C1orf87: variants seen among roughly 807,000 people sequenced by gnomAD.
The protein encoded by C1orf87 is uncharacterized protein C1orf87.
In C1orf87, 58 loss-of-function variants were observed where a neutral mutation model predicts 60.5. That is an observed-to-expected ratio of 0.96 (90% CI 0.78 to 1.19). The LOEUF is 1.19. Ranked by LOEUF, C1orf87 falls within the 50% of genes most tolerant of loss-of-function variation. The pLI, the probability that C1orf87 is intolerant of heterozygous loss-of-function variation, is 0.00. For missense variants in C1orf87, 673 were observed against 638.6 expected (o/e 1.05, Z -0.58); for synonymous variants, 236 against 227.4 (o/e 1.04, Z -0.34).
At chr1:60,037,715 T>C (rs150299454) in intron 6 of C1orf87, among the ~76,000 whole-genome samples, 370 of 152,298 alleles carry the variant, frequency 2.4e-3, no homozygotes, top group African/African-American at 8.2e-3. Flanking sequence ...ATTCAAACCA[T>C]ACCAATACCT....
chr1:59,991,301 C>T (rs1406408982), intron 11 of C1orf87, among the ~76,000 whole-genome samples: 3 of 152,162 alleles, frequency 2.0e-5, no homozygotes, highest in Non-Finnish European at 4.4e-5. Flanking sequence ...TCTTTGGTAT[C>T]TGCAGGGATT....
intron 7 of C1orf87, among the ~76,000 whole-genome samples, chr1:60,026,513 A>G (rs1238897967): frequency 6.6e-6 from 1 of 151,820 alleles, no homozygotes; most frequent in Non-Finnish European, 1.5e-5. Context: ...AGTACAGAAG[A>G]AGGAAAATAG....
At chr1:60,069,837 A>G (rs1288957243) in intron 2 of C1orf87, among the ~76,000 whole-genome samples, 1 of 152,168 alleles carries the variant, frequency 6.6e-6, no homozygotes, top group Admixed American at 6.5e-5. Flanking sequence ...ATTTGGAAAT[A>G]GGGTTATTAC....
At chr1:59,992,058 A>C (rs1644927413) in intron 11 of C1orf87, among the ~76,000 whole-genome samples, 1 of 152,062 alleles carries the variant, frequency 6.6e-6, no homozygotes, top group Non-Finnish European at 1.5e-5. Context: ...ATGTTCCAGG[A>C]ACTGCTCCAA....
chr1:59,995,308 G>C (rs1644955907), intron 11 of C1orf87, among the ~76,000 whole-genome samples: 1 of 152,128 alleles, frequency 6.6e-6, no homozygotes, highest in Non-Finnish European at 1.5e-5. Context: ...TGAATACCCA[G>C]ACTCAGGGTT....
At chr1:60,065,004 AAATATATATTAAATATATATATTT>A (rs1244181104) in intron 2 of C1orf87, among the ~76,000 whole-genome samples, 2 of 59,296 alleles carry the variant, frequency 3.4e-5, no homozygotes, top group Admixed American at 1.9e-4. Flanking sequence ...TATAAATATT[AAATATATATTAAATATATATATTT>A]AATATATATA....
At position 60,033,509 on chromosome 1, in the gene C1orf87, ATCT is replaced by A. The variant is rs1170682564; in HGVS notation, c.993_995del (p.Glu331del). Reference sequence around the variant, plus strand: ...GAGGGAGGCAGCCAGAGAACGAGCGATCTTCTTTTCGAAAACTCAGATTGAGAT... The same window carrying A: ...GAGGGAGGCAGCCAGAGAACGAGCGATCTTTTCGAAAACTCAGATTGAGAT... On this transcript the variant is annotated inframe_deletion, in exon 7 of 12. Transcript: ENST00000371201. 1 of 1,613,902 alleles carries A rather than the reference ATCT, an allele frequency of 6.2e-7. No individual in the cohort carries two copies. Among genetic ancestry groups the A allele is most frequent in the South Asian group, 1.1e-5 (1 of 90,980 alleles).
At chr1:60,000,614 T>G (rs2100241000) in intron 10 of C1orf87, among the ~76,000 whole-genome samples, 1 of 152,202 alleles carries the variant, frequency 6.6e-6, no homozygotes. Context: ...GCTTGCCAGA[T>G]TTTTTTCTTT....
chr1:60,029,622 C>T (rs640630), intron 7 of C1orf87, among the ~76,000 whole-genome samples: 2,179 of 146,964 alleles, frequency 0.015, 57 homozygotes, highest in African/African-American at 0.052. Context: ...CCCATCTCTT[C>T]CCCTGTCCCC....
intron 3 of C1orf87, among the ~76,000 whole-genome samples, chr1:60,045,610 T>G (rs900372105): frequency 6.6e-6 from 1 of 152,198 alleles, no homozygotes; most frequent in Non-Finnish European, 1.5e-5. Context: ...CCACCAGAGA[T>G]GAAGTGAGCC....
chr1:60,024,026 CAGG>C (rs1384071010), intron 8 of C1orf87, among the ~76,000 whole-genome samples: 1 of 152,102 alleles, frequency 6.6e-6, no homozygotes, highest in African/African-American at 2.4e-5. Flanking sequence ...CCTTCTTGAA[CAGG>C]AGAAGTGTAT....
chr1:60,056,256 T>A (rs1213084064), intron 2 of C1orf87, among the ~76,000 whole-genome samples: 1 of 151,762 alleles, frequency 6.6e-6, no homozygotes, highest in East Asian at 1.9e-4. Context: ...AATAAAAAAA[T>A]AATGGAAAGT....
chr1:60,006,958 C>T (rs1263325831), intron 9 of C1orf87, among the ~76,000 whole-genome samples: 2 of 151,702 alleles, frequency 1.3e-5, no homozygotes, highest in African/African-American at 4.8e-5. Flanking sequence ...TTTGCACAAG[C>T]TGGAGTGTAG....
At chr1:60,012,605 G>A (rs1032357048) in intron 8 of C1orf87, among the ~76,000 whole-genome samples, 1 of 152,058 alleles carries the variant, frequency 6.6e-6, no homozygotes, top group African/African-American at 2.4e-5. Flanking sequence ...AACAAAAGTA[G>A]GTACCAAACC....
chr1:60,055,457 A>G lies in C1orf87; in HGVS notation c.108-19T>C, dbSNP rs770897287. ...CTCCTTGCTGTGAAGAAAGAATTGT[A>G]TACTTTGTTACTTACAGGCAGACTC... On this transcript the variant is annotated intron_variant, in intron 2 of 11. Coordinates refer to ENST00000371201, the MANE Select transcript of C1orf87 (RefSeq NM_152377.3). The G allele has an allele frequency of 3.7e-6, 6 of 1,606,520 alleles. No individual in the cohort carries two copies. The highest frequency in any genetic ancestry group is 1.1e-5 in the South Asian group (1 of 90,914).
At chr1:60,057,800 T>A in intron 2 of C1orf87, among the ~76,000 whole-genome samples, 1 of 152,178 alleles carries the variant, frequency 6.6e-6, no homozygotes, top group East Asian at 1.9e-4. Flanking sequence ...TTGGGACAGC[T>A]GCTATGAAGA....
chr1:60,007,812 GA>G (rs1196808173), intron 9 of C1orf87, among the ~76,000 whole-genome samples: 2 of 151,934 alleles, frequency 1.3e-5, no homozygotes, highest in Non-Finnish European at 2.9e-5. Flanking sequence ...GATTCTTAAT[GA>G]TATAAATTTT....
chr1:60,035,837 A>G (rs747585428), intron 6 of C1orf87, among the ~76,000 whole-genome samples: 1 of 152,222 alleles, frequency 6.6e-6, no homozygotes, highest in Admixed American at 6.5e-5. Context: ...GACAGCCACA[A>G]TTCCTAACCT....
At chr1:60,044,572 A>G (rs1003713718) in intron 3 of C1orf87, among the ~76,000 whole-genome samples, 2 of 152,110 alleles carry the variant, frequency 1.3e-5, no homozygotes, top group African/African-American at 4.8e-5. Flanking sequence ...TCTGCTGACA[A>G]ACTAGAGCAA....
Sources: gnomAD v4.1 joint callset for allele counts (sites outside exome capture counted in the v4.1 genomes callset) on GRCh38, gnomAD v4.1.1 for gene constraint, MANE v1.5 for transcripts, NCBI Gene and HGNC (gene_info 2026-07-23, HGNC 2026-07-21) for gene names.